Variants in ZBTB38 observed in about 807,000 individuals in gnomAD.
ZBTB38 encodes the protein zinc finger and BTB domain-containing protein 38.
In ZBTB38, 20 loss-of-function variants were observed where a neutral mutation model predicts 76.8. The ratio of observed to expected loss-of-function variants is 0.26; its 90% CI spans 0.18 to 0.38. The LOEUF is 0.38. Ranked by LOEUF, ZBTB38 falls within the 10% of genes least tolerant of loss-of-function variation. The pLI, the probability that ZBTB38 is intolerant of heterozygous loss-of-function variation, is 1.00. For synonymous variants in ZBTB38, 504 were observed against 544.2 expected (o/e 0.93, Z 1.03); for missense variants, 1,082 against 1,482.3 (o/e 0.73, Z 4.43).
chr3:141,356,028 A>ACT (rs10624353), intron 1 of ZBTB38, among the ~76,000 whole-genome samples: 82,881 of 151,620 alleles, frequency 0.55, 26,088 homozygotes, highest in African/African-American at 0.88. Flanking sequence ...CTTCTCTGCC[A>ACT]CTCTGTTTCA....
At chr3:141,401,539 T>C (rs1951940853) in intron 4 of ZBTB38, among the ~76,000 whole-genome samples, 1 of 152,170 alleles carries the variant, frequency 6.6e-6, no homozygotes, top group African/African-American at 2.4e-5. Context: ...GATGCAGAAT[T>C]GCAAGTACTG....
intron 3 of ZBTB38, among the ~76,000 whole-genome samples, chr3:141,382,677 A>G (rs1559928449): frequency 6.6e-6 from 1 of 152,198 alleles, no homozygotes; most frequent in Non-Finnish European, 1.5e-5. Context: ...ACTTTCCAAC[A>G]TGGTCCATCT....
At chr3:141,434,034 A>G (rs942033289) in intron 5 of ZBTB38, 5 of 230,932 alleles carry the variant, frequency 2.2e-5, no homozygotes, top group Non-Finnish European at 2.9e-5. Flanking sequence ...CAACATCACC[A>G]ACAACGGATT....
Position 141,350,729 on chromosome 3 carries a change from A to C in ZBTB38, c.-738-17892A>C, listed in dbSNP as rs146970099. Reference sequence around the variant, plus strand: ...TCAAAAGTGTATTTTTAGTTTGAAAATTGTTTTTTTCTTGAAACATGGAAA... The same window carrying C: ...TCAAAAGTGTATTTTTAGTTTGAAACTTGTTTTTTTCTTGAAACATGGAAA... On this transcript the variant is annotated intron_variant, in intron 1 of 7. Coordinates refer to the ZBTB38 transcript ENST00000509842. Among the ~76,000 whole-genome samples, 43 of 152,310 alleles carry C rather than the reference A, an allele frequency of 2.8e-4. No individual in the cohort carries two copies. The East Asian group carries it at 7.3e-3, about 26-fold the overall frequency.
At chr3:141,342,186 G>A (rs1265645196) in intron 1 of ZBTB38, among the ~76,000 whole-genome samples, 1 of 151,954 alleles carries the variant, frequency 6.6e-6, no homozygotes, top group Non-Finnish European at 1.5e-5. Flanking sequence ...TTGGCCAGGC[G>A]TGGTGGTGCG....
chr3:141,390,605 C>T (rs1291047697), intron 4 of ZBTB38, among the ~76,000 whole-genome samples: 4 of 152,094 alleles, frequency 2.6e-5, no homozygotes, highest in Non-Finnish European at 5.9e-5. Context: ...AGAGATCTAG[C>T]ACTTTCTCTT....
chr3:141,358,773 C>T (rs13065569), intron 1 of ZBTB38, among the ~76,000 whole-genome samples: 32,548 of 152,150 alleles, frequency 0.21, 4,747 homozygotes, highest in Non-Finnish European at 0.31. Flanking sequence ...CTATTTTCTG[C>T]CCCTATAGAT....
In ZBTB38 at chr3:141,345,534, T is replaced by C. The variant is rs113643157; in HGVS notation, c.-739+21078T>C. Reference sequence around the variant, plus strand: ...CCCATCTATTTGCATGTGAGATTCATAGTGCTTCTGCTAATTCAACTTTGA... The same window carrying C: ...CCCATCTATTTGCATGTGAGATTCACAGTGCTTCTGCTAATTCAACTTTGA... On this transcript the variant is annotated intron_variant, in intron 1 of 7. Coordinates refer to the ZBTB38 transcript ENST00000509842. Among the ~76,000 whole-genome samples the C allele has an allele frequency of 4.1e-3, 627 of 152,306 alleles. 4 individuals carry two copies. The highest frequency in any genetic ancestry group is 0.013 in the African/African-American group (527 of 41,566).
chr3:141,389,512 CTA>C (rs1372443660), intron 4 of ZBTB38: 2 of 142,176 alleles, frequency 1.4e-5, no homozygotes, highest in African/African-American at 5.3e-5. Context: ...CTTTAAATGA[CTA>C]AGTACATTTT....
chr3:141,335,777 T>C (rs979081635), intron 1 of ZBTB38, among the ~76,000 whole-genome samples: 9 of 152,244 alleles, frequency 5.9e-5, no homozygotes, highest in African/African-American at 2.2e-4. Context: ...TTCATCACAA[T>C]AGTAACCACT....
At chr3:141,388,434 T>C (rs1299676353) in intron 4 of ZBTB38, 7 of 152,130 alleles carry the variant, frequency 4.6e-5, no homozygotes, top group African/African-American at 1.7e-4. Context: ...GAGGGAAATA[T>C]TAAATATAGA....
intron 1 of ZBTB38, among the ~76,000 whole-genome samples, chr3:141,343,982 A>C (rs1943268775): frequency 6.6e-6 from 1 of 152,170 alleles, no homozygotes; most frequent in Admixed American, 6.5e-5. Context: ...ATTTTGAGGG[A>C]CTTGCATCTA....
chr3:141,401,571 A>G (rs977685276), intron 4 of ZBTB38, among the ~76,000 whole-genome samples: 1 of 152,020 alleles, frequency 6.6e-6, no homozygotes, highest in African/African-American at 2.4e-5. Context: ...CTGAAAACGT[A>G]AAGAATTGAC....
intron 1 of ZBTB38, among the ~76,000 whole-genome samples, chr3:141,346,782 T>TGTGTGTGTGTGTGTGTG (rs1943369260): frequency 1.4e-5 from 2 of 144,562 alleles, no homozygotes; most frequent in African/African-American, 5.2e-5. Context: ...TTGTTTTGTT[T>TGTGTGTGTGTGTGTGTG]TGTGTGTGTG....
At chr3:141,426,253 G>A in intron 5 of ZBTB38, 1 of 1,183,976 alleles carries the variant, frequency 8.4e-7, no homozygotes. Context: ...GGATGCAAAA[G>A]CACACCTGCC....
At chr3:141,401,874 T>C (rs1952098809) in intron 4 of ZBTB38, among the ~76,000 whole-genome samples, 1 of 152,144 alleles carries the variant, frequency 6.6e-6, no homozygotes, top group South Asian at 2.1e-4. Context: ...TTGGGAAAAA[T>C]CTATCTAGGC....
chr3:141,376,232 G>T (rs1439694818), intron 2 of ZBTB38, among the ~76,000 whole-genome samples: 3 of 152,092 alleles, frequency 2.0e-5, no homozygotes, highest in Admixed American at 6.5e-5. Flanking sequence ...CCCAGTTCAC[G>T]TTCAGGTTCT....
At chr3:141,441,731 CATAGCGAA>C (rs1222665340) in intron 5 of ZBTB38, among the ~76,000 whole-genome samples, 12 of 152,264 alleles carry the variant, frequency 7.9e-5, no homozygotes, top group African/African-American at 2.6e-4. Flanking sequence ...GCCTGGGCAA[CATAGCGAA>C]ACCCTGTCTC....
intron 4 of ZBTB38, among the ~76,000 whole-genome samples, chr3:141,399,786 T>TAAACTGGCC (rs1951308306): frequency 6.6e-6 from 1 of 152,150 alleles, no homozygotes; most frequent in African/African-American, 2.4e-5. Flanking sequence ...TAGTAAGTGT[T>TAAACTGGCC]AAACTGGCCA....
Sources: allele counts gnomAD v4.1 joint callset (sites outside exome capture counted in the v4.1 genomes callset), GRCh38; gene constraint gnomAD v4.1.1; transcripts MANE v1.5; gene names NCBI Gene and HGNC (gene_info 2026-07-23, HGNC 2026-07-21).